The following NRXN1 variants were observed in gnomAD, a reference collection of about 807,000 sequenced individuals.
NRXN1 encodes neurexin 1, also known as neurexin-1.
Under a neutral mutation model 150.9 loss-of-function variants are expected in NRXN1, and 39 were observed. That is an observed-to-expected ratio of 0.26 (90% CI 0.20 to 0.34). The LOEUF is 0.34. Among genes scored for constraint, NRXN1 ranks in the 10% least tolerant of loss-of-function variants. The pLI is 1.00. For synonymous variants in NRXN1, 924 were observed against 757.0 expected (o/e 1.22, Z -3.62); for missense variants, 1,815 against 1,949.9 (o/e 0.93, Z 1.30).
chr2:50,936,873 T>A (rs1574982183), intron 2 of NRXN1, among the ~76,000 whole-genome samples: 1 of 152,188 alleles, frequency 6.6e-6, no homozygotes, highest in South Asian at 2.1e-4. Flanking sequence ...TGATAATTTT[T>A]AAAAAATGAA....
intron 17 of NRXN1, among the ~76,000 whole-genome samples, chr2:50,294,219 C>A (rs1283348473): frequency 1.3e-5 from 2 of 152,066 alleles, no homozygotes; most frequent in Non-Finnish European, 2.9e-5. Context: ...ATTTACAATA[C>A]TTTAGGGAAT....
At chr2:50,726,206 A>G (rs1391091265) in intron 5 of NRXN1, among the ~76,000 whole-genome samples, 1 of 152,120 alleles carries the variant, frequency 6.6e-6, no homozygotes, top group East Asian at 1.9e-4. Flanking sequence ...CGATCCCTTA[A>G]CAACTTTTAT....
chr2:50,105,496 G>C (rs759608444), intron 18 of NRXN1, among the ~76,000 whole-genome samples: 21 of 151,944 alleles, frequency 1.4e-4, no homozygotes, highest in Non-Finnish European at 2.4e-4. Flanking sequence ...TTTTTCTCTA[G>C]TATGTTTTTT....
At chr2:50,792,322 A>G (rs914941206) in intron 5 of NRXN1, among the ~76,000 whole-genome samples, 10 of 152,070 alleles carry the variant, frequency 6.6e-5, no homozygotes, top group Admixed American at 2.0e-4. Flanking sequence ...TTATTTGTCT[A>G]TTTTCTCTAT....
chr2:50,623,809 A>C (rs967161925), intron 5 of NRXN1, among the ~76,000 whole-genome samples, 194 bp from the exon 6 acceptor site: 7 of 152,018 alleles, frequency 4.6e-5, no homozygotes, highest in Non-Finnish European at 7.4e-5. Context: ...ATTATACTTT[A>C]AGTTTTAGGG....
At chr2:50,820,661 G>T (rs1455413086) in intron 5 of NRXN1, among the ~76,000 whole-genome samples, 1 of 152,122 alleles carries the variant, frequency 6.6e-6, no homozygotes, top group Non-Finnish European at 1.5e-5. Context: ...CTGGGATGTA[G>T]ACAGCAGTAC....
chr2:50,496,356 T>C (rs748835389), intron 14 of NRXN1, among the ~76,000 whole-genome samples: 2 of 152,178 alleles, frequency 1.3e-5, no homozygotes, highest in Non-Finnish European at 2.9e-5. Context: ...CTTTATGAAT[T>C]TGGAAAGCAA....
intron 5 of NRXN1, among the ~76,000 whole-genome samples, chr2:50,762,693 A>G (rs1253485542): frequency 1.3e-5 from 2 of 151,950 alleles, no homozygotes; most frequent in African/African-American, 4.8e-5. Flanking sequence ...ATGGCTGTGT[A>G]GTAATCCATG....
At chr2:50,636,919 T>C (rs949238857) in intron 5 of NRXN1, among the ~76,000 whole-genome samples, 1 of 152,198 alleles carries the variant, frequency 6.6e-6, no homozygotes, top group African/African-American at 2.4e-5. Context: ...AGAAAGCTAA[T>C]ATTATATACT....
At chr2:50,357,577 G>T (rs889757697) in intron 17 of NRXN1, among the ~76,000 whole-genome samples, 4 of 151,882 alleles carry the variant, frequency 2.6e-5, no homozygotes, top group African/African-American at 9.7e-5. Context: ...CAAAGTGCTG[G>T]GATTACAGGC....
chr2:50,913,105 T>C (rs1441684385), intron 5 of NRXN1: 1 of 151,884 alleles, frequency 6.6e-6, no homozygotes, highest in Non-Finnish European at 1.5e-5. Flanking sequence ...AGACAAGGTA[T>C]TGTTTTATTT....
At chr2:50,153,767 C>G (rs1388728563) in intron 18 of NRXN1, among the ~76,000 whole-genome samples, 1 of 151,802 alleles carries the variant, frequency 6.6e-6, no homozygotes, top group African/African-American at 2.4e-5. Flanking sequence ...AAATCCTCCT[C>G]TTAGCTGGAG....
chr2:50,035,454 TTTAA>T (rs1389765900), intron 21 of NRXN1, among the ~76,000 whole-genome samples: 10 of 152,108 alleles, frequency 6.6e-5, no homozygotes, highest in Admixed American at 5.2e-4. Context: ...CTGCCAGCTG[TTTAA>T]TTAAGCAGAT....
intron 5 of NRXN1, among the ~76,000 whole-genome samples, chr2:50,655,091 G>A (rs1686223082): frequency 6.6e-6 from 1 of 151,770 alleles, no homozygotes; most frequent in Admixed American, 6.6e-5. Flanking sequence ...ATGCAGTTAT[G>A]TGGCCAATTT....
chr2:50,446,650 A>G (rs1295683818), intron 17 of NRXN1, among the ~76,000 whole-genome samples: 1 of 149,074 alleles, frequency 6.7e-6, no homozygotes, highest in African/African-American at 2.5e-5. Context: ...CTTTGTTCTC[A>G]ATACTTAACA....
At chr2:50,143,909 C>T (rs940128465) in intron 18 of NRXN1, among the ~76,000 whole-genome samples, 2 of 151,812 alleles carry the variant, frequency 1.3e-5, no homozygotes, top group East Asian at 1.9e-4. Context: ...TAACGTTACC[C>T]GTATAGAATA....
intron 15 of NRXN1, among the ~76,000 whole-genome samples, chr2:50,480,425 T>C (rs1393366054): frequency 6.6e-6 from 1 of 152,196 alleles, no homozygotes; most frequent in African/African-American, 2.4e-5. Flanking sequence ...ACCTGATTCA[T>C]GCATCCTCCA....
intron 8 of NRXN1, among the ~76,000 whole-genome samples, chr2:50,587,746 G>A (rs1255640447): frequency 2.6e-5 from 4 of 151,996 alleles, no homozygotes; most frequent in African/African-American, 9.7e-5. Flanking sequence ...TAAATGATAA[G>A]ATAGAGAATA....
intron 5 of NRXN1, among the ~76,000 whole-genome samples, chr2:50,804,620 G>A: frequency 6.6e-6 from 1 of 152,104 alleles, no homozygotes; most frequent in East Asian, 1.9e-4. Context: ...TGTGCACTTT[G>A]AACAAAAGAA....
Sources: gnomAD v4.1 joint callset for allele counts (sites outside exome capture counted in the v4.1 genomes callset) on GRCh38, gnomAD v4.1.1 for gene constraint, MANE v1.5 for transcripts, NCBI Gene and HGNC (gene_info 2026-07-23, HGNC 2026-07-21) for gene names.